The following AGRN variants were observed in gnomAD, a reference collection of about 807,000 sequenced individuals.
The protein encoded by AGRN is agrin, also known as agrin proteoglycan.
Under a neutral mutation model 211.0 loss-of-function variants are expected in AGRN, and 106 were observed. That is an observed-to-expected ratio of 0.50 (90% confidence interval 0.43 to 0.59). The LOEUF (loss-of-function observed/expected upper bound fraction) is 0.59, where lower values mean the gene tolerates loss of function less well. AGRN is among the 20% of genes least tolerant of loss of function. AGRN has a pLI of 0.00. For synonymous variants in AGRN, 1,525 were observed against 1,332.5 expected (o/e 1.14, Z -3.15); for missense variants, 3,040 against 2,982.6 (o/e 1.02, Z -0.45).
At position 1,044,398 on chromosome 1, in the gene AGRN, C is replaced by T; in HGVS notation, c.2213C>T (p.Ser738Leu). ...ECELKKARCE[S>L]QRGLYVAAQG... ...GAGCTGAAGAAGGCCAGGTGTGAGT[C>T]ACAGCGAGGGCTCTACGTAGCGGCC... The change falls in exon 12 of 36, where the codon TCA (serine) becomes TTA (leucine). Residue 738 changes from serine to leucine, a missense_variant. Ser to Leu is a moderately radical substitution (Grantham distance 145). Coordinates refer to ENST00000379370, the MANE Select transcript of AGRN (RefSeq NM_198576.4). 1 of 1,612,396 alleles carries T rather than the reference C, an allele frequency of 6.2e-7. No individual in the cohort carries two copies. The highest frequency in any genetic ancestry group is 8.5e-7 in the Non-Finnish European group (1 of 1,179,690).
rs75774767 is a variant in AGRN, at chr1:1,045,393, C to T, written c.2406C>T (p.Gly802=). 2.0e-3 allele frequency: 3,160 copies of T among 1,610,942 alleles called. 53 individuals are homozygous for T. In the African/African-American group the frequency reaches 0.036, roughly 18 times the overall value. The stretch of plus-strand genomic sequence containing the variant: ...AGTGCAACCCCCATGGCTCTTACGG[C>T]GGCACCTGTGACCCAGCCACAGGCC... ...ACQCNPHGSY[G]GTCDPATGQC... is the part of the protein sequence containing the mutation. Residue 802 remains glycine, a synonymous_variant, in exon 14 of 36, where the codon GGC becomes GGT. Coordinates refer to ENST00000379370, the MANE Select transcript of AGRN (RefSeq NM_198576.4).
rs368625531 is a variant in AGRN, at chr1:1,041,987, C to T, written c.1209C>T (p.Ala403=). ...GCCCGGAGCCCTGCCGGTTCAATGC[C>T]GTGTGCCTGTCCCGCCGTGGCCGTC... ...DQCPEPCRFN[A]VCLSRRGRPR... is the part of the protein sequence containing the mutation. Residue 403 remains alanine, a synonymous_variant, in exon 7 of 36, where the codon GCC becomes GCT. Coordinates refer to ENST00000379370, the MANE Select transcript of AGRN (RefSeq NM_198576.4). The T allele has an allele frequency of 3.8e-4, 613 of 1,611,578 alleles. No homozygotes were observed. Among genetic ancestry groups the T allele is most frequent in the Non-Finnish European group, 4.3e-4 (509 of 1,179,674 alleles).
chr1:1,045,607 A>T lies in AGRN; in HGVS notation c.2536+84A>T, dbSNP rs1259210840. ...TCACTGTGCTTCTCCTCACCTGCCC[A>T]GGCCCTGGCCTGACCCACACCTGGC... is the stretch of plus-strand genomic sequence containing the variant. On this transcript the variant is annotated intron_variant, in intron 14 of 35. Transcript: ENST00000379370. 4.4e-6 allele frequency: 7 copies of T among 1,604,396 alleles called. No homozygotes were observed. In the African/African-American group the frequency reaches 9.4e-5, roughly 21 times the overall value.
chr1:1,038,474 C>T (rs578199575), intron 3 of AGRN, among the ~76,000 whole-genome samples: 2 of 152,378 alleles, frequency 1.3e-5, no homozygotes, highest in East Asian at 1.9e-4. Context: ...GAGCTGCCAT[C>T]ATCACCTTCT....
intron 2 of AGRN, among the ~76,000 whole-genome samples, chr1:1,024,444 C>T (rs1644475417): frequency 6.6e-6 from 1 of 152,030 alleles, no homozygotes; most frequent in Admixed American, 6.5e-5. Context: ...GCCTAGCTGA[C>T]CTCTCCCCAT....
chr1:1,037,978 C>T lies in AGRN; in HGVS notation c.511+2654C>T, dbSNP rs376882960. On this transcript the variant is annotated intron_variant, in intron 3 of 35. Transcript: ENST00000379370. ...TGGAGACTCAGCACAGTGGTGGGAG[C>T]GGCCCCTCACCTAAGCCCGCAGTGT... 3.0e-4 allele frequency among the ~76,000 whole-genome samples: 46 copies of T among 152,244 alleles called. 1 individual carries two copies. Among genetic ancestry groups the T allele is most frequent in the South Asian group, 1.7e-3 (8 of 4,820 alleles).
In AGRN at chr1:1,020,146, G is replaced by C. The variant is rs760518010; in HGVS notation, c.-27G>C. On this transcript the variant is annotated 5_prime_UTR_variant, in exon 1 of 36. Transcript: ENST00000379370. ...GTCCCGTCCCCGGCGCGGCCCGCGC[G>C]CTCCTCCGCCGCCTCTCGCCTGCGC... The C allele has an allele frequency of 1.2e-4, 140 of 1,182,736 alleles. No homozygotes were observed. Among genetic ancestry groups the C allele is most frequent in the Non-Finnish European group, 1.4e-4 (129 of 932,534 alleles). The allele number at this position is 1,182,736 out of a possible 1,614,324, so 73.3% of individuals were successfully genotyped here. A position where few individuals can be genotyped will look rare whatever the true frequency, so the allele number is the denominator to read the frequency against.
intron 1 of AGRN, 88 bp from the exon 2 acceptor site, chr1:1,022,113 T>C: frequency 6.5e-7 from 1 of 1,528,010 alleles, no homozygotes. Context: ...GAGTCTACTG[T>C]GGACATTTGC....
chr1:1,051,680 A>T lies in AGRN; in HGVS notation c.5563+35A>T, dbSNP rs1645296424. ...GCACAGGGCAGGGGGCGGAGGCCGG[A>T]TGGGCCCGGAGCCCACGAGGCCCCA... is the stretch of plus-strand genomic sequence containing the variant. On this transcript the variant is annotated intron_variant, in intron 32 of 35. Transcript: ENST00000379370. 5 of 1,612,898 alleles carry T rather than the reference A, an allele frequency of 3.1e-6. No homozygotes were observed. The African/African-American group carries it at 4.0e-5, about 13-fold the overall frequency.
rs1645253476 is a variant in AGRN, at chr1:1,050,573, A to G, written c.5123A>G (p.Lys1708Arg). Residue 1708 changes from lysine (K) to arginine (R), a missense_variant, in exon 29 of 36, where the codon AAG (lysine) becomes AGG (arginine). Lys to Arg is a conservative substitution (Grantham distance 26, BLOSUM62 2). Around this residue, in one of 3 missense-constraint regions of AGRN, gnomAD observed 1,537 missense variants for 1,505.0 expected, o/e 1.02. Transcript: ENST00000379370. ...RRLEFRYDLGKGAAVIRSREP... is the reference protein window; with the variant it reads ...RRLEFRYDLGRGAAVIRSREP... Reference sequence around the variant, plus strand: ...CTGGAGTTCCGCTACGACCTGGGCAAGGGGGCAGCGGTCATCAGGTGGGCC... The same window carrying G: ...CTGGAGTTCCGCTACGACCTGGGCAGGGGGGCAGCGGTCATCAGGTGGGCC... 5 of 1,611,316 alleles carry G rather than the reference A, an allele frequency of 3.1e-6. No individual in the cohort carries two copies. The highest frequency in any genetic ancestry group is 3.4e-6 in the Non-Finnish European group (4 of 1,179,140).
chr1:1,029,701 T>C lies in AGRN; in HGVS notation c.464-5576T>C, dbSNP rs1218040445. Among the ~76,000 whole-genome samples, 23 of 83,146 alleles carry C rather than the reference T, an allele frequency of 2.8e-4. 3 individuals carry two copies. Among genetic ancestry groups the C allele is most frequent in the Middle Eastern group, 7.9e-3 (1 of 126 alleles). The allele number at this position is 83,146 out of a possible 152,430, so 54.5% of individuals were successfully genotyped here. ...TGTGTGTGTGTGCAGTGCATGGTGCTGTGAGATCATGTGTGTGTGCAGTGC... is the reference window on the plus strand; with the variant it reads ...TGTGTGTGTGTGCAGTGCATGGTGCCGTGAGATCATGTGTGTGTGCAGTGC... On this transcript the variant is annotated intron_variant, in intron 2 of 35. Coordinates refer to ENST00000379370, the MANE Select transcript of AGRN (RefSeq NM_198576.4).
chr1:1,038,022 T>C (rs1014352675), intron 3 of AGRN, among the ~76,000 whole-genome samples: 3 of 151,218 alleles, frequency 2.0e-5, no homozygotes, highest in African/African-American at 7.3e-5. Flanking sequence ...AATGGGGGGG[T>C]GGGGCTTCCC....
rs1312316115 is a variant in AGRN, at chr1:1,031,483, A to G, written c.464-3794A>G. Among the ~76,000 whole-genome samples the G allele has an allele frequency of 2.0e-5, 3 of 152,080 alleles. No homozygotes were observed. Among genetic ancestry groups the G allele is most frequent in the African/African-American group, 7.2e-5 (3 of 41,398 alleles). ...CCTCAATGGCCCTTTGTCTTTCTGA[A>G]GGCATCTGGGCCTCTGTGGGGGGCT... On this transcript the variant is annotated intron_variant, in intron 2 of 35. Coordinates refer to ENST00000379370, the MANE Select transcript of AGRN (RefSeq NM_198576.4). This position sits in a 1 kb window ranked among gnomAD's most constrained non-coding sequence, Gnocchi z 4.8.
Position 1,042,278 on chromosome 1 carries a change from C to G in AGRN, c.1384+116C>G, listed in dbSNP as rs896705813. The G allele has an allele frequency of 1.5e-5, 20 of 1,305,770 alleles. No homozygotes were observed. The African/African-American group carries it at 2.9e-4, about 19-fold the overall frequency. The allele number at this position is 1,305,770 out of a possible 1,614,324, so 80.9% of individuals were successfully genotyped here. A position where few individuals can be genotyped will look rare whatever the true frequency, so the allele number is the denominator to read the frequency against. On this transcript the variant is annotated intron_variant, in intron 7 of 35. Transcript: ENST00000379370. Reference sequence around the variant, plus strand: ...TCCTCTTGGGGTCCTGGGAGTGGGCCGGTCCCTCTGGGAAGGCTCTGGGGA... The same window carrying G: ...TCCTCTTGGGGTCCTGGGAGTGGGCGGGTCCCTCTGGGAAGGCTCTGGGGA...
At chr1:1,054,663 G>A (rs1047544861) in intron 35 of AGRN, 112 bp downstream of exon 35, 14 of 1,486,838 alleles carry the variant, frequency 9.4e-6, no homozygotes, top group African/African-American at 4.2e-5. Context: ...TGAGCCGGCG[G>A]GCTGGGCTCT....
chr1:1,027,891 G>A (rs1001086448), intron 2 of AGRN, among the ~76,000 whole-genome samples: 7 of 152,354 alleles, frequency 4.6e-5, no homozygotes, highest in African/African-American at 1.7e-4. Context: ...AAGCCCCTGC[G>A]TGTCCGCAGG....
rs747508825 is a variant in AGRN at position 1,044,029 on chromosome 1, C to T, written c.1999+6C>T. The T allele has an allele frequency of 1.2e-6, 2 of 1,610,396 alleles. No individual in the cohort carries two copies. Among genetic ancestry groups the T allele is most frequent in the South Asian group, 2.2e-5 (2 of 91,020 alleles). On this transcript the variant is annotated splice_donor_region_variant and intron_variant, in intron 10 of 35. Transcript: ENST00000379370. ...GGCAGGGCCGTGCGAGCAGGGTAGG[C>T]CGGGGGACGCTGGCGAAAACTGCTG...
At chr1:1,033,030 A>T (rs1644706787) in intron 2 of AGRN, among the ~76,000 whole-genome samples, 1 of 151,992 alleles carries the variant, frequency 6.6e-6, no homozygotes, top group East Asian at 1.9e-4. Flanking sequence ...CAGGAGTCCC[A>T]GATGGGCCCA....
In AGRN at chr1:1,053,774, C is replaced by T. The variant is rs1304831953; in HGVS notation, c.5673C>T (p.Asn1891=). 6.2e-7 allele frequency: 1 copy of T among 1,608,204 alleles called. No homozygotes were observed. Among genetic ancestry groups the T allele is most frequent in the African/African-American group, 1.3e-5 (1 of 74,906 alleles). ...VTESEKALQS[N]HFELSLRTEA... is the part of the protein sequence containing the mutation. ...CCAGCGAGAAGGCACTGCAGAGCAA[C>T]CACTTTGAACTGAGCCTGCGCACTG... is the stretch of plus-strand genomic sequence containing the variant. The change falls in exon 34 of 36, where the codon AAC becomes AAT. Residue 1891 remains asparagine (N), a synonymous_variant. Transcript: ENST00000379370.
Sources: gnomAD v4.1 joint callset for allele counts (sites outside exome capture counted in the v4.1 genomes callset) on GRCh38, gnomAD v4.1.1 for gene constraint, gnomAD v4.1.1 regional missense constraint, Gnocchi (gnomAD v3.1) non-coding constraint, MANE v1.5 for transcripts, NCBI Gene and HGNC (gene_info 2026-07-23, HGNC 2026-07-21) for gene names.